The following ERN1 variants were observed in gnomAD, a reference collection of about 807,000 sequenced individuals.
ERN1 encodes the protein serine/threonine-protein kinase/endoribonuclease IRE1.
Under a neutral mutation model 113.1 loss-of-function variants are expected in ERN1, and 39 were observed. The ratio of observed to expected loss-of-function variants is 0.34; its 90% CI spans 0.27 to 0.45. The LOEUF (loss-of-function observed/expected upper bound fraction) is 0.45. Among genes scored for constraint, ERN1 ranks in the 20% least tolerant of loss-of-function variants. The pLI is 1.00. For missense variants in ERN1, 976 were observed against 1,274.8 expected, an observed-to-expected ratio of 0.77 and a Z score of 3.57; for synonymous variants, 507 against 515.9, an observed-to-expected ratio of 0.98 and a Z score of 0.23.
intron 4 of ERN1, among the ~76,000 whole-genome samples, chr17:64,077,611 C>G (rs1913635344): frequency 6.6e-6 from 1 of 152,146 alleles, no homozygotes; most frequent in South Asian, 2.1e-4. Flanking sequence ...ACTGTTGGTC[C>G]TCATCACCGT....
chr17:64,072,569 G>A (rs149939841), intron 5 of ERN1, among the ~76,000 whole-genome samples: 2 of 152,340 alleles, frequency 1.3e-5, no homozygotes, highest in Admixed American at 1.3e-4. Context: ...CACAGTTACT[G>A]TTTATGACTA....
At chr17:64,118,715 G>A (rs1040199065) in intron 1 of ERN1, among the ~76,000 whole-genome samples, 8 of 152,174 alleles carry the variant, frequency 5.3e-5, no homozygotes, top group Non-Finnish European at 1.0e-4. Flanking sequence ...AGATGGGTCC[G>A]GGAGCTGAGA....
chr17:64,070,777 T>C (rs1913386360), intron 6 of ERN1, among the ~76,000 whole-genome samples: 1 of 152,250 alleles, frequency 6.6e-6, no homozygotes, highest in South Asian at 2.1e-4. Context: ...TTCTAAATGT[T>C]TTTTGTTTCT....
At position 64,053,394 on chromosome 17, in the gene ERN1, G is replaced by A. The variant is rs754718350; in HGVS notation, c.1954-23C>T. The A allele has an allele frequency of 5.1e-6, 8 of 1,558,136 alleles. No individual in the cohort carries two copies. In the East Asian group the frequency reaches 1.4e-4, roughly 27 times the overall value. On this transcript the variant is annotated intron_variant, in intron 15 of 21. Coordinates refer to ENST00000433197, the MANE Select transcript of ERN1 (RefSeq NM_001433.5). Reference sequence around the variant, plus strand: ...ATACTGCAAAAGACATGACAGCAAGGTCACGGCACACAGTCCTCAGGACTT... The same window carrying A: ...ATACTGCAAAAGACATGACAGCAAGATCACGGCACACAGTCCTCAGGACTT...
intron 4 of ERN1, among the ~76,000 whole-genome samples, chr17:64,079,303 G>A (rs1480742999): frequency 6.6e-6 from 1 of 152,136 alleles, no homozygotes; most frequent in African/African-American, 2.4e-5. Flanking sequence ...AGGAGTCATC[G>A]GAAGGTGGGG....
rs773461300 is a variant in ERN1, at chr17:64,045,446, C to A, written c.2566G>T (p.Gly856Cys). 6.2e-7 allele frequency: 1 copy of A among 1,614,006 alleles called. No individual in the cohort carries two copies. Among genetic ancestry groups the A allele is most frequent in the Non-Finnish European group, 8.5e-7 (1 of 1,179,874 alleles). ...CTCTCTAACTGCTTCACGATCGGGC[C>A]ATCCAGGGATTCCTTTTCTATTCTG... ...SDRIEKESLDGPIVKQLERGG... is the reference protein window; with the variant it reads ...SDRIEKESLDCPIVKQLERGG... Residue 856 changes from glycine to cysteine, a missense_variant, in exon 20 of 22, where the codon GGC (glycine) becomes TGC (cysteine). Around this residue, in one of 5 missense-constraint regions of ERN1, gnomAD observed 297 missense variants for 457.8 expected, o/e 0.65. Transcript: ENST00000433197.
At chr17:64,128,525 T>A (rs1013606719) in intron 1 of ERN1, among the ~76,000 whole-genome samples, 1 of 152,152 alleles carries the variant, frequency 6.6e-6, no homozygotes, top group Admixed American at 6.5e-5. Context: ...AGTGACAAAG[T>A]AGCAAAAGGA....
At chr17:64,083,954 G>A (rs1913845783) in intron 2 of ERN1, among the ~76,000 whole-genome samples, 1 of 152,094 alleles carries the variant, frequency 6.6e-6, no homozygotes, top group Non-Finnish European at 1.5e-5. Context: ...GTGAATTTTT[G>A]TCCCCACTCC....
chr17:64,091,985 C>A (rs1397391280), intron 2 of ERN1, among the ~76,000 whole-genome samples: 1 of 152,182 alleles, frequency 6.6e-6, no homozygotes, highest in African/African-American at 2.4e-5. Context: ...AACGCCACCA[C>A]TATAGACAAC....
chr17:64,119,376 G>GTTGTT lies in ERN1; in HGVS notation c.54+10599_54+10600insAACAA, dbSNP rs777806993. ...TAATATTAGGTTCCTTTTTTTCTAGGTTTTTTTTTTTTTTTTTTTTTTTTT... is the reference window on the plus strand; with the variant it reads ...TAATATTAGGTTCCTTTTTTTCTAGGTTGTTTTTTTTTTTTTTTTTTTTTTTTTTT... On this transcript the variant is annotated intron_variant, in intron 1 of 21. Transcript: ENST00000433197. 5.9e-4 allele frequency among the ~76,000 whole-genome samples: 46 copies of GTTGTT among 77,896 alleles called. 3 individuals are homozygous for GTTGTT. The highest frequency in any genetic ancestry group is 1.1e-3 in the African/African-American group (19 of 17,928). 51.1% of individuals were successfully genotyped at this position (77,896 alleles called of 152,430 possible).
Position 64,054,611 on chromosome 17 carries a change from G to A in ERN1, c.1763+127C>T, listed in dbSNP as rs1452313248. The A allele has an allele frequency of 2.0e-6, 2 of 985,314 alleles. No individual in the cohort carries two copies. The highest frequency in any genetic ancestry group is 3.3e-5 in the African/African-American group (2 of 61,000). 61.0% of individuals were successfully genotyped at this position (985,314 alleles called of 1,614,324 possible). A position where few individuals can be genotyped will look rare whatever the true frequency, so the allele number is the denominator to read the frequency against. ...TGTCTCAGTGTGCAAGCTCCCTGGA[G>A]GCCGGACTCCATGCGTCTAGGTCAC... is the stretch of plus-strand genomic sequence containing the variant. On this transcript the variant is annotated intron_variant, in intron 14 of 21. Transcript: ENST00000433197. The surrounding 1 kb of genome is among the most constrained non-coding windows in gnomAD (Gnocchi z 4.9).
intron 2 of ERN1, among the ~76,000 whole-genome samples, chr17:64,094,501 A>T (rs1439235918): frequency 2.0e-5 from 3 of 152,162 alleles, no homozygotes; most frequent in Non-Finnish European, 4.4e-5. Flanking sequence ...AGTACATGTG[A>T]AGTAAAGGAA....
chr17:64,040,809 G>A lies in ERN1; in HGVS notation c.*3179C>T, dbSNP rs1174265617. The A allele has an allele frequency of 6.6e-6, 1 of 152,170 alleles. No individual in the cohort carries two copies. The highest frequency in any genetic ancestry group is 2.4e-5 in the African/African-American group (1 of 41,424). 9.4% of individuals were successfully genotyped at this position (152,170 alleles called of 1,614,324 possible). On this transcript the variant is annotated 3_prime_UTR_variant, in exon 22 of 22. Coordinates refer to ENST00000433197, the MANE Select transcript of ERN1 (RefSeq NM_001433.5). Reference sequence around the variant, plus strand: ...ATCAGGGAAATGCCAGTGTTCCCCAGGTGAAAATGTTTTGGTGCCTAATGA... The same window carrying A: ...ATCAGGGAAATGCCAGTGTTCCCCAAGTGAAAATGTTTTGGTGCCTAATGA...
chr17:64,070,345 A>G (rs971524846), intron 6 of ERN1, among the ~76,000 whole-genome samples: 1 of 152,184 alleles, frequency 6.6e-6, no homozygotes, highest in Admixed American at 6.5e-5. Context: ...AGCAATAGAT[A>G]ATGGAGGCAA....
rs759502185 is a variant in ERN1 at position 64,063,426 on chromosome 17, CA to C, written c.1087+559del. Among the ~76,000 whole-genome samples, 4 of 152,148 alleles carry C rather than the reference CA, an allele frequency of 2.6e-5. No individual in the cohort carries two copies. The highest frequency in any genetic ancestry group is 5.9e-5 in the Non-Finnish European group (4 of 68,032). ...AATCCCTGGCCATTAGTGATGGCAG[CA>C]AAAACAAGAGAAAGAGGAAAAAAGG... On this transcript the variant is annotated intron_variant, in intron 10 of 21. Transcript: ENST00000433197. This position sits in a 1 kb window ranked among gnomAD's most constrained non-coding sequence, Gnocchi z 5.1.
intron 2 of ERN1, among the ~76,000 whole-genome samples, chr17:64,084,288 C>T (rs1913859182): frequency 6.6e-6 from 1 of 152,186 alleles, no homozygotes; most frequent in Admixed American, 6.5e-5. Flanking sequence ...CTCCCTAACA[C>T]ATGCTATCAG....
intron 1 of ERN1, among the ~76,000 whole-genome samples, chr17:64,105,011 TAC>T (rs58443262): frequency 0.045 from 6,843 of 150,484 alleles, 488 homozygotes; most frequent in African/African-American, 0.16. Flanking sequence ...AAAAGGCGTG[TAC>T]ACACACACAC....
At chr17:64,045,717 A>C (rs1174257329) in intron 19 of ERN1, among the ~76,000 whole-genome samples, 3 of 152,142 alleles carry the variant, frequency 2.0e-5, no homozygotes, top group Admixed American at 6.6e-5. Context: ...CACAGAGTAC[A>C]CCTGCATATA....
At chr17:64,110,927 G>A (rs1914654775) in intron 1 of ERN1, among the ~76,000 whole-genome samples, 1 of 152,326 alleles carries the variant, frequency 6.6e-6, no homozygotes, top group South Asian at 2.1e-4. Flanking sequence ...GGCAAAGCAT[G>A]AGGAACCGGC....
Sources: allele counts gnomAD v4.1 joint callset (sites outside exome capture counted in the v4.1 genomes callset), GRCh38; gene constraint gnomAD v4.1.1; regional missense constraint gnomAD v4.1.1; non-coding constraint Gnocchi (gnomAD v3.1); transcripts MANE v1.5; gene names NCBI Gene and HGNC (gene_info 2026-07-23, HGNC 2026-07-21).